The following ARHGAP10 variants were observed in gnomAD, a reference collection of about 807,000 sequenced individuals.
ARHGAP10 encodes Rho GTPase activating protein 10.
In ARHGAP10, 87 loss-of-function variants were observed where a neutral mutation model predicts 108.6. The observed-to-expected ratio is 0.80, with a 90% CI of 0.67 to 0.96. The LOEUF is 0.96. Ranked by LOEUF, ARHGAP10 falls within the 40% of genes least tolerant of loss-of-function variation. The pLI is 0.00. For missense variants in ARHGAP10, 939 were observed against 954.5 expected (o/e 0.98, Z 0.21); for synonymous variants, 347 against 341.1 (o/e 1.02, Z -0.19).
intron 22 of ARHGAP10, among the ~76,000 whole-genome samples, chr4:148,070,013 C>G (rs886504754): frequency 5.3e-5 from 8 of 152,196 alleles, no homozygotes; most frequent in Non-Finnish European, 8.8e-5. Flanking sequence ...GCTGCCAGAT[C>G]GCTTTGAGAG....
chr4:148,040,177 AT>A (rs1419960425), intron 19 of ARHGAP10, among the ~76,000 whole-genome samples: 1 of 152,174 alleles, frequency 6.6e-6, no homozygotes, highest in Non-Finnish European at 1.5e-5. Flanking sequence ...GATAGGCCAA[AT>A]CATCCCCCAG....
At chr4:147,855,830 A>G (rs971895316) in intron 4 of ARHGAP10, among the ~76,000 whole-genome samples, 1 of 152,078 alleles carries the variant, frequency 6.6e-6, no homozygotes, top group African/African-American at 2.4e-5. Flanking sequence ...CTGACAGGGG[A>G]CATACTGTCC....
At chr4:147,854,255 C>T (rs1333931714) in intron 4 of ARHGAP10, among the ~76,000 whole-genome samples, 3 of 152,086 alleles carry the variant, frequency 2.0e-5, no homozygotes, top group Non-Finnish European at 4.4e-5. Flanking sequence ...AATGTGTTGC[C>T]ACCATAAAAA....
chr4:147,810,485 G>A (rs891523208), intron 1 of ARHGAP10, among the ~76,000 whole-genome samples: 1 of 152,184 alleles, frequency 6.6e-6, no homozygotes, highest in Non-Finnish European at 1.5e-5. Flanking sequence ...TGAACCTGTG[G>A]CTTCTGAGTA....
intron 3 of ARHGAP10, among the ~76,000 whole-genome samples, chr4:147,839,909 CTG>C (rs1733342992): frequency 6.6e-6 from 1 of 152,192 alleles, no homozygotes; most frequent in Non-Finnish European, 1.5e-5. Context: ...ATCCTCCACA[CTG>C]TTACATAATA....
At chr4:147,734,445 G>C (rs1560730241) in intron 1 of ARHGAP10, among the ~76,000 whole-genome samples, 1 of 152,124 alleles carries the variant, frequency 6.6e-6, no homozygotes, top group Non-Finnish European at 1.5e-5. Flanking sequence ...GAGAGTAATT[G>C]GGAAGTGTCT....
rs572383629 is a variant in ARHGAP10, at chr4:147,903,372, C to A, written c.1035-3266C>A. Among the ~76,000 whole-genome samples the A allele has an allele frequency of 4.6e-5, 7 of 152,322 alleles. No homozygotes were observed. In the East Asian group the frequency reaches 1.3e-3, roughly 29 times the overall value. Reference sequence around the variant, plus strand: ...AAGATAGAGATTTTCCTGATTCCCCCCAACTCCCACACATGCATAGCATTC... The same window carrying A: ...AAGATAGAGATTTTCCTGATTCCCCACAACTCCCACACATGCATAGCATTC... On this transcript the variant is annotated intron_variant, in intron 10 of 22. Coordinates refer to ENST00000336498, the MANE Select transcript of ARHGAP10 (RefSeq NM_024605.4).
intron 20 of ARHGAP10, among the ~76,000 whole-genome samples, chr4:148,048,692 T>A (rs1728994621): frequency 6.6e-6 from 1 of 152,176 alleles, no homozygotes; most frequent in Non-Finnish European, 1.5e-5. Context: ...TCACAGGCAG[T>A]GGAGTGCAGT....
At chr4:147,815,650 A>C (rs1230013264) in intron 1 of ARHGAP10, among the ~76,000 whole-genome samples, 1 of 152,168 alleles carries the variant, frequency 6.6e-6, no homozygotes, top group Non-Finnish European at 1.5e-5. Flanking sequence ...TGACCCTAGG[A>C]GTTCAATACC....
Position 147,947,606 on chromosome 4 carries a change from T to C in ARHGAP10, c.1391+902T>C, listed in dbSNP as rs573511613. Reference sequence around the variant, plus strand: ...TTAGTAGAGGTGGGGTTTCGCCATGTTGACCAGGCTGGTCTCAAACTCCTG... The same window carrying C: ...TTAGTAGAGGTGGGGTTTCGCCATGCTGACCAGGCTGGTCTCAAACTCCTG... On this transcript the variant is annotated intron_variant, in intron 15 of 22. Transcript: ENST00000336498. 5.9e-5 allele frequency among the ~76,000 whole-genome samples: 9 copies of C among 152,174 alleles called. No individual in the cohort carries two copies. In the East Asian group the frequency reaches 1.7e-3, roughly 30 times the overall value.
chr4:147,759,583 C>A (rs1017573085), intron 1 of ARHGAP10, among the ~76,000 whole-genome samples: 1 of 118,904 alleles, frequency 8.4e-6, no homozygotes, highest in Non-Finnish European at 1.7e-5. Context: ...ATACACCGCC[C>A]CCCCCCCCCT....
chr4:148,072,172 A>C lies in ARHGAP10; in HGVS notation c.*91A>C. 2 of 1,020,794 alleles carry C rather than the reference A, an allele frequency of 2.0e-6. No individual in the cohort carries two copies. The highest frequency in any genetic ancestry group is 1.6e-5 in the South Asian group (1 of 62,996). The allele number at this position is 1,020,794 out of a possible 1,614,324, so 63.2% of individuals were successfully genotyped here. ...TTCCTCCTCCGAGGCTCTGGGCTGC[A>C]CCCACAGGTACCTCCACACTTGGGA... On this transcript the variant is annotated 3_prime_UTR_variant, in exon 23 of 23. Transcript: ENST00000336498.
chr4:147,824,178 T>G (rs1393478870), intron 3 of ARHGAP10, among the ~76,000 whole-genome samples: 2 of 151,926 alleles, frequency 1.3e-5, no homozygotes, highest in Admixed American at 1.3e-4. Context: ...AAAAATTAGC[T>G]GGGTGTGGTG....
At chr4:147,882,404 A>G (rs954047000) in intron 10 of ARHGAP10, among the ~76,000 whole-genome samples, 3 of 151,808 alleles carry the variant, frequency 2.0e-5, no homozygotes, top group Admixed American at 1.3e-4. Context: ...CGGAGGCTGC[A>G]GTGAGCCAAG....
At chr4:147,847,718 T>G (rs1733692132) in intron 4 of ARHGAP10, among the ~76,000 whole-genome samples, 2 of 152,220 alleles carry the variant, frequency 1.3e-5, no homozygotes, top group Admixed American at 6.5e-5. Context: ...TATGGTATTG[T>G]GCATTATATT....
chr4:147,898,459 T>C (rs1329497335), intron 10 of ARHGAP10, among the ~76,000 whole-genome samples: 1 of 147,384 alleles, frequency 6.8e-6, no homozygotes, highest in African/African-American at 2.5e-5. Context: ...ATTTTTATGA[T>C]TTTTTTTTTT....
At chr4:148,017,677 T>A (rs1741399853) in intron 18 of ARHGAP10, among the ~76,000 whole-genome samples, 1 of 120,164 alleles carries the variant, frequency 8.3e-6, no homozygotes, top group African/African-American at 3.7e-5. Flanking sequence ...TATATATATA[T>A]ATATATGTGT....
chr4:147,784,826 TTATAA>T (rs1730798356), intron 1 of ARHGAP10, among the ~76,000 whole-genome samples: 1 of 29,680 alleles, frequency 3.4e-5, no homozygotes, highest in Non-Finnish European at 1.3e-4. Flanking sequence ...AAAATATATA[TTATAA>T]ATATATTATA....
intron 20 of ARHGAP10, among the ~76,000 whole-genome samples, chr4:148,053,842 G>A (rs527947070): frequency 3.3e-5 from 5 of 152,170 alleles, no homozygotes; most frequent in Non-Finnish European, 7.3e-5. Flanking sequence ...TGGCACTTGC[G>A]TGTGGCCTAA....
Sources: allele counts gnomAD v4.1 joint callset (sites outside exome capture counted in the v4.1 genomes callset), GRCh38; gene constraint gnomAD v4.1.1; transcripts MANE v1.5; gene names NCBI Gene and HGNC (gene_info 2026-07-23, HGNC 2026-07-21).